The following VCL variants were observed in gnomAD, a reference collection of about 807,000 sequenced individuals.
VCL encodes the protein epididymis luminal protein 114.
VCL carries 47 observed loss-of-function variants against 125.7 expected under a neutral mutation model. That is an observed-to-expected ratio of 0.37 (90% confidence interval 0.30 to 0.48). The LOEUF (loss-of-function observed/expected upper bound fraction) is 0.48. Ranked by LOEUF, VCL falls within the 20% of genes least tolerant of loss-of-function variation. The pLI is 0.99. For missense variants in VCL, 1,069 were observed against 1,455.5 expected, an observed-to-expected ratio of 0.73 and a Z score of 4.32; for synonymous variants, 458 against 514.6, an observed-to-expected ratio of 0.89 and a Z score of 1.49.
intron 6 of VCL, 113 bp downstream of exon 6, chr10:74,075,016 C>T: frequency 7.5e-7 from 1 of 1,326,374 alleles, no homozygotes; most frequent in Non-Finnish European, 1.1e-6. Flanking sequence ...TAAGAGTACT[C>T]AGATATTGTG....
chr10:74,008,050 C>T (rs1591647307), intron 1 of VCL, among the ~76,000 whole-genome samples: 1 of 152,076 alleles, frequency 6.6e-6, no homozygotes, highest in Non-Finnish European at 1.5e-5. Context: ...GTGATCTACC[C>T]ACCTTAGCTT....
intron 19 of VCL, 100 bp downstream of exon 19, chr10:74,112,212 G>T: frequency 2.0e-6 from 3 of 1,473,042 alleles, no homozygotes; most frequent in East Asian, 2.3e-5. Flanking sequence ...GGTCCTGTGA[G>T]TCTGAGCAGG....
At chr10:74,020,373 A>G (rs1446136984) in intron 1 of VCL, among the ~76,000 whole-genome samples, 6 of 152,230 alleles carry the variant, frequency 3.9e-5, no homozygotes, top group African/African-American at 1.2e-4. Flanking sequence ...ACTAAATACA[A>G]TAGCTGGTAG....
In VCL at chr10:74,049,210, T is replaced by A. The variant is rs181871019; in HGVS notation, c.239+6057T>A. On this transcript the variant is annotated intron_variant, in intron 2 of 21. Transcript: ENST00000211998. ...CATTCCTTCTCATTATGTTTTTTTT[T>A]AAACTTTCATTGAAGTATAATATGC... 5.7e-4 allele frequency among the ~76,000 whole-genome samples: 87 copies of A among 152,350 alleles called. No individual in the cohort carries two copies. In the East Asian group the frequency reaches 0.016, roughly 28 times the overall value.
intron 1 of VCL, among the ~76,000 whole-genome samples, chr10:74,014,766 C>T (rs1410917822): frequency 1.3e-5 from 2 of 152,148 alleles, no homozygotes; most frequent in Non-Finnish European, 1.5e-5. Context: ...GTGATCTCAG[C>T]CCACTGCAAC....
chr10:74,109,754 C>T (rs1179322670), intron 18 of VCL, among the ~76,000 whole-genome samples: 2 of 151,960 alleles, frequency 1.3e-5, no homozygotes, highest in African/African-American at 4.8e-5. Flanking sequence ...GCAGTCTTGC[C>T]CTATGAATAA....
chr10:74,011,953 C>T (rs1025449658), intron 1 of VCL, among the ~76,000 whole-genome samples: 8 of 152,200 alleles, frequency 5.3e-5, no homozygotes, highest in African/African-American at 1.9e-4. Context: ...ATAAAATTTC[C>T]AGTTGAATGA....
chr10:74,045,099 A>C (rs189882720), intron 2 of VCL, among the ~76,000 whole-genome samples: 1 of 152,166 alleles, frequency 6.6e-6, no homozygotes, highest in Admixed American at 6.5e-5. Context: ...TGAGCTGGGG[A>C]AGTTAAGGCT....
At chr10:74,012,560 C>A (rs1328618710) in intron 1 of VCL, among the ~76,000 whole-genome samples, 1 of 152,018 alleles carries the variant, frequency 6.6e-6, no homozygotes, top group Non-Finnish European at 1.5e-5. Context: ...GGTTTTTCTT[C>A]TTTGGAGTCA....
At chr10:74,074,971 C>G in intron 6 of VCL, 68 bp downstream of exon 6, 2 of 1,590,492 alleles carry the variant, frequency 1.3e-6, no homozygotes, top group Non-Finnish European at 1.7e-6. Context: ...TTGATTGGCA[C>G]CTGTCTCATA....
chr10:74,021,677 T>G (rs189609049), intron 1 of VCL, among the ~76,000 whole-genome samples: 6 of 152,336 alleles, frequency 3.9e-5, no homozygotes, highest in Admixed American at 2.6e-4. Context: ...GTTCTAAAGC[T>G]TCTGTAAAAA....
Position 74,052,946 on chromosome 10 carries a change from A to AATAT in VCL, c.239+9811_239+9814dup, listed in dbSNP as rs71021589. ...CTACCTGGCTGTGATGAAAAAAAAA[A>AATAT]ATATATATATATATATATATAGTGC... On this transcript the variant is annotated intron_variant, in intron 2 of 21. Transcript: ENST00000211998. Among the ~76,000 whole-genome samples the AATAT allele has an allele frequency of 1.7e-4, 17 of 99,838 alleles. No homozygotes were observed. The South Asian group carries it at 2.3e-3, about 13-fold the overall frequency. 65.5% of individuals were successfully genotyped at this position (99,838 alleles called of 152,430 possible).
chr10:74,093,697 G>C (rs1288924381), intron 10 of VCL, among the ~76,000 whole-genome samples: 1 of 152,020 alleles, frequency 6.6e-6, no homozygotes, highest in Admixed American at 6.5e-5. Context: ...TACCTGAAAG[G>C]CTGAGGCAGG....
At chr10:74,021,640 T>C (rs1435519352) in intron 1 of VCL, among the ~76,000 whole-genome samples, 1 of 152,238 alleles carries the variant, frequency 6.6e-6, no homozygotes, top group East Asian at 1.9e-4. Context: ...AGACTCTGTC[T>C]CTGAACTGGA....
In VCL at chr10:74,051,259, C is replaced by T. The variant is rs150711729; in HGVS notation, c.239+8106C>T. Among the ~76,000 whole-genome samples the T allele has an allele frequency of 3.5e-3, 533 of 151,144 alleles. 1 individual carries two copies. The highest frequency in any genetic ancestry group is 0.012 in the African/African-American group (491 of 41,148). On this transcript the variant is annotated intron_variant, in intron 2 of 21. Transcript: ENST00000211998. Reference sequence around the variant, plus strand: ...TTGTTTGTTTGTTTTTTGTTTTAGACGGAGTCTTGCTCTGTCATCCAGGCT... The same window carrying T: ...TTGTTTGTTTGTTTTTTGTTTTAGATGGAGTCTTGCTCTGTCATCCAGGCT...
At chr10:74,000,468 G>A (rs892407130) in intron 1 of VCL, among the ~76,000 whole-genome samples, 1 of 152,104 alleles carries the variant, frequency 6.6e-6, no homozygotes, top group Non-Finnish European at 1.5e-5. Flanking sequence ...AGGCTGGAGT[G>A]CAGTGACACG....
intron 6 of VCL, among the ~76,000 whole-genome samples, chr10:74,079,131 G>A (rs866679105): frequency 1.3e-5 from 2 of 152,088 alleles, no homozygotes; most frequent in Admixed American, 6.5e-5. Flanking sequence ...TTAGCTTGTC[G>A]TTCCATCTTT....
Position 74,072,972 on chromosome 10 carries a change from C to T in VCL, c.622+120C>T. ...TTTTTTTTTTTTTGAGATGAAGTCT[C>T]ACTCTGTTGCCAGGCTGGAGTGCAG... On this transcript the variant is annotated intron_variant, in intron 5 of 21. Coordinates refer to ENST00000211998, the MANE Select transcript of VCL (RefSeq NM_014000.3). The T allele has an allele frequency of 5.0e-6, 7 of 1,413,548 alleles. No homozygotes were observed. The East Asian group carries it at 1.2e-4, about 25-fold the overall frequency. 87.6% of individuals were successfully genotyped at this position (1,413,548 alleles called of 1,614,324 possible). A position where few individuals can be genotyped will look rare whatever the true frequency, so the allele number is the denominator to read the frequency against.
intron 8 of VCL, among the ~76,000 whole-genome samples, chr10:74,084,396 A>G (rs1178671327): frequency 2.0e-5 from 3 of 151,474 alleles, no homozygotes; most frequent in African/African-American, 7.3e-5. Context: ...GGCTCAAGCA[A>G]TTCTCCTGCC....
Sources: allele counts gnomAD v4.1 joint callset (sites outside exome capture counted in the v4.1 genomes callset), GRCh38; gene constraint gnomAD v4.1.1; transcripts MANE v1.5; gene names NCBI Gene and HGNC (gene_info 2026-07-23, HGNC 2026-07-21).